The following NSMCE1 variants were observed in gnomAD, a reference collection of about 807,000 sequenced individuals.
NSMCE1 encodes non-structural maintenance of chromosomes element 1 homolog.
In NSMCE1, 18 loss-of-function variants were observed where a neutral mutation model predicts 29.6. The ratio of observed to expected loss-of-function variants is 0.61; its 90% CI spans 0.42 to 0.90. NSMCE1 has a LOEUF of 0.90. Ranked by LOEUF, NSMCE1 falls within the 40% of genes least tolerant of loss-of-function variation. The pLI is 0.00. For missense variants in NSMCE1, 314 were observed against 343.6 expected (o/e 0.91, Z 0.68); for synonymous variants, 124 against 133.4 (o/e 0.93, Z 0.49).
chr16:27,256,753 G>A (rs886289858), intron 2 of NSMCE1, among the ~76,000 whole-genome samples: 12 of 152,222 alleles, frequency 7.9e-5, no homozygotes, highest in African/African-American at 1.4e-4. Context: ...CAGTGGCCCC[G>A]TAAGATGCCC....
At chr16:27,236,095 C>T (rs999799553) in intron 2 of NSMCE1, among the ~76,000 whole-genome samples, 6 of 152,164 alleles carry the variant, frequency 3.9e-5, no homozygotes, top group Non-Finnish European at 8.8e-5. Context: ...GGGCCACCAT[C>T]CAGGTCCATC....
intron 1 of NSMCE1, among the ~76,000 whole-genome samples, chr16:27,263,654 T>C (rs2084187741): frequency 6.6e-6 from 1 of 152,246 alleles, no homozygotes; most frequent in Non-Finnish European, 1.5e-5. Context: ...GACGTGAGTT[T>C]ACCTATCTAA....
Position 27,225,096 on chromosome 16 carries a change from C to T in NSMCE1, c.*61G>A. The T allele has an allele frequency of 3.2e-6, 3 of 943,714 alleles. No homozygotes were observed. Among genetic ancestry groups the T allele is most frequent in the Non-Finnish European group, 5.1e-6 (3 of 592,356 alleles). The allele number at this position is 943,714 out of a possible 1,614,324, so 58.5% of individuals were successfully genotyped here. ...ACCTGAAACACGGACGCCTTTCTTC[C>T]AAGAAGGGCTGTGGCGATCAGGCCA... On this transcript the variant is annotated 3_prime_UTR_variant, in exon 8 of 8. Transcript: ENST00000361439.
rs572570587 is a variant in NSMCE1 at position 27,232,134 on chromosome 16, C to T, written c.483+867G>A. On this transcript the variant is annotated intron_variant, in intron 5 of 7. Coordinates refer to ENST00000361439, the MANE Select transcript of NSMCE1 (RefSeq NM_145080.4). The surrounding 1 kb of genome is among the most constrained non-coding windows in gnomAD (Gnocchi z 4.5). The stretch of plus-strand genomic sequence containing the variant: ...CCTTCCTGAAAAGGAAGCGGAGAAT[C>T]GCTGCAGCCACAAGCAGCAGCCTCT... Among the ~76,000 whole-genome samples the T allele has an allele frequency of 7.9e-5, 12 of 152,232 alleles. No individual in the cohort carries two copies. The South Asian group carries it at 2.3e-3, about 29-fold the overall frequency.
intron 5 of NSMCE1, among the ~76,000 whole-genome samples, 171 bp from the exon 6 acceptor site, chr16:27,227,007 G>A (rs1413893296): frequency 2.6e-5 from 4 of 152,162 alleles, no homozygotes; most frequent in African/African-American, 7.2e-5. Context: ...GCAGAGCCTC[G>A]GCAAGGGAAA....
At chr16:27,248,407 T>TA (rs1491313480) in intron 2 of NSMCE1, among the ~76,000 whole-genome samples, 10 of 62,738 alleles carry the variant, frequency 1.6e-4, no homozygotes, top group Admixed American at 5.0e-4. Context: ...TTTAGTTTGC[T>TA]TTTTTTTTTT....
chr16:27,237,743 T>A (rs1000807504), intron 2 of NSMCE1, among the ~76,000 whole-genome samples: 1 of 152,182 alleles, frequency 6.6e-6, no homozygotes, highest in Non-Finnish European at 1.5e-5. Context: ...TATTGGACTT[T>A]CCAGACACCC....
chr16:27,238,540 TTC>T (rs898364117), intron 2 of NSMCE1, among the ~76,000 whole-genome samples: 2 of 87,874 alleles, frequency 2.3e-5, no homozygotes, highest in African/African-American at 7.0e-5. Context: ...TTCGCCTTTT[TTC>T]TTTTTTTTTT....
intron 1 of NSMCE1, among the ~76,000 whole-genome samples, chr16:27,267,625 G>GA (rs11317900): frequency 1.0e-3 from 140 of 136,736 alleles, no homozygotes; most frequent in South Asian, 1.9e-3. Context: ...GGATGCAGGG[G>GA]AAAAAAAAAA....
chr16:27,235,605 A>G (rs1240150394), intron 2 of NSMCE1, among the ~76,000 whole-genome samples: 1 of 152,100 alleles, frequency 6.6e-6, no homozygotes, highest in Non-Finnish European at 1.5e-5. Flanking sequence ...GAGAGTCCCA[A>G]TCAGCACCTT....
intron 2 of NSMCE1, among the ~76,000 whole-genome samples, chr16:27,254,224 G>C (rs1031697881): frequency 3.3e-5 from 5 of 152,130 alleles, no homozygotes; most frequent in African/African-American, 4.8e-5. Flanking sequence ...CTAATAACAA[G>C]AACATGCAGT....
At chr16:27,268,515 TG>T in intron 1 of NSMCE1, 190 bp downstream of exon 1, 1 of 152,240 alleles carries the variant, frequency 6.6e-6, no homozygotes, top group Non-Finnish European at 1.5e-5. Context: ...GGCCCCTGTC[TG>T]GGCCTCAGTT....
rs1317558730 is a variant in NSMCE1, at chr16:27,232,997, G to C, written c.483+4C>G. ...ACCAGGCTGGAAAAACCATGAGACA[G>C]TACCTCAATCAGCCACTTGTTTTGA... On this transcript the variant is annotated splice_donor_region_variant and intron_variant, in intron 5 of 7. Transcript: ENST00000361439. The surrounding 1 kb of genome is among the most constrained non-coding windows in gnomAD (Gnocchi z 4.5). The C allele has an allele frequency of 1.9e-6, 3 of 1,613,300 alleles. No individual in the cohort carries two copies. The highest frequency in any genetic ancestry group is 1.7e-5 in the Admixed American group (1 of 59,806).
At chr16:27,243,833 A>G (rs2083921031) in intron 2 of NSMCE1, among the ~76,000 whole-genome samples, 4 of 152,118 alleles carry the variant, frequency 2.6e-5, no homozygotes, top group African/African-American at 7.2e-5. Context: ...TTTCTTCTGC[A>G]GACCCTGAGG....
intron 6 of NSMCE1, 165 bp downstream of exon 6, chr16:27,226,555 G>GCGTCCTGACA (rs1199440693): frequency 1.7e-6 from 1 of 579,756 alleles, no homozygotes; most frequent in African/African-American, 1.9e-5. Flanking sequence ...CAGCAGGGAG[G>GCGTCCTGACA]CGTCCTGACA....
At chr16:27,266,012 C>A (rs1028258546) in intron 1 of NSMCE1, among the ~76,000 whole-genome samples, 3 of 152,100 alleles carry the variant, frequency 2.0e-5, no homozygotes, top group African/African-American at 7.2e-5. Flanking sequence ...CATGAGTGTT[C>A]ATTTTATTTT....
Position 27,225,126 on chromosome 16 carries a change from A to G in NSMCE1, c.*31T>C. 2.1e-6 allele frequency: 3 copies of G among 1,418,744 alleles called. No individual in the cohort carries two copies. Among genetic ancestry groups the G allele is most frequent in the Non-Finnish European group, 3.0e-6 (3 of 1,014,456 alleles). 87.9% of individuals were successfully genotyped at this position (1,418,744 alleles called of 1,614,324 possible). A position where few individuals can be genotyped will look rare whatever the true frequency, so the allele number is the denominator to read the frequency against. On this transcript the variant is annotated 3_prime_UTR_variant, in exon 8 of 8. Coordinates refer to ENST00000361439, the MANE Select transcript of NSMCE1 (RefSeq NM_145080.4). The stretch of plus-strand genomic sequence containing the variant: ...AGGGCTGTGGCGATCAGGCCACTCA[A>G]GGCAGCCAGCCCCTCAGCAGGGCAC...
Position 27,232,581 on chromosome 16 carries a change from A to G in NSMCE1, c.483+420T>C, listed in dbSNP as rs964710400. ...GAGGTCCCATTCCCGCTCCTGACAC[A>G]CCCAGCCCCGAAGGGGAAACAACGA... On this transcript the variant is annotated intron_variant, in intron 5 of 7. Transcript: ENST00000361439. This position sits in a 1 kb window ranked among gnomAD's most constrained non-coding sequence, Gnocchi z 4.5. Among the ~76,000 whole-genome samples, 7 of 152,108 alleles carry G rather than the reference A, an allele frequency of 4.6e-5. No individual in the cohort carries two copies. Among genetic ancestry groups the G allele is most frequent in the African/African-American group, 1.7e-4 (7 of 41,416 alleles).
chr16:27,230,360 A>G (rs1321448033), intron 5 of NSMCE1, among the ~76,000 whole-genome samples: 1 of 152,136 alleles, frequency 6.6e-6, no homozygotes, highest in Non-Finnish European at 1.5e-5. Context: ...AGGATCAGAC[A>G]CTGACATGTG....
Sources: allele counts gnomAD v4.1 joint callset (sites outside exome capture counted in the v4.1 genomes callset), GRCh38; gene constraint gnomAD v4.1.1; non-coding constraint Gnocchi (gnomAD v3.1); transcripts MANE v1.5; gene names NCBI Gene and HGNC (gene_info 2026-07-23, HGNC 2026-07-21).